CCDC197: variants seen among roughly 807,000 people sequenced by gnomAD.
CCDC197 encodes coiled-coil domain containing 197, also known as uncharacterized protein CCDC197.
Under a neutral mutation model 13.4 loss-of-function variants are expected in CCDC197, and 24 were observed. That is an observed-to-expected ratio of 1.80 (90% CI 1.30 to 2.53). The LOEUF (loss-of-function observed/expected upper bound fraction) is 2.53. CCDC197 is among the 30% of genes most tolerant of loss of function. The pLI is 0.00. For missense variants in CCDC197, 255 were observed against 148.8 expected, an observed-to-expected ratio of 1.71 and a Z score of -3.71; for synonymous variants, 99 against 55.5, an observed-to-expected ratio of 1.78 and a Z score of -3.48.
intron 1 of CCDC197, among the ~76,000 whole-genome samples, chr14:93,989,161 G>A (rs954237588): frequency 6.6e-6 from 1 of 152,060 alleles, no homozygotes; most frequent in Non-Finnish European, 1.5e-5. Flanking sequence ...TCATCCTCCA[G>A]CCAGAGTTAC....
rs929985418 is a variant in CCDC197 at position 93,997,350 on chromosome 14, G to A, written c.-355G>A. 2.0e-5 allele frequency: 3 copies of A among 152,236 alleles called. No individual in the cohort carries two copies. The highest frequency in any genetic ancestry group is 7.2e-5 in the African/African-American group (3 of 41,434). The allele number at this position is 152,236 out of a possible 1,614,324, so 9.4% of individuals were successfully genotyped here. On this transcript the variant is annotated 5_prime_UTR_variant, in exon 1 of 7. It introduces an in-frame stop codon into an upstream open reading frame of the 5' UTR. Coordinates refer to ENST00000636493, the MANE Select transcript of CCDC197 (RefSeq NM_001351596.2). The stretch of plus-strand genomic sequence containing the variant: ...GCCTGTCTACCTATGTTTGATGCTT[G>A]GGGCTAGAAAGACTGACCTTGTAGC...
At chr14:93,990,730 C>A (rs1216710778) in intron 1 of CCDC197, among the ~76,000 whole-genome samples, 1 of 152,182 alleles carries the variant, frequency 6.6e-6, no homozygotes, top group Non-Finnish European at 1.5e-5. Flanking sequence ...GGCTGGAGAG[C>A]ATTCAGGAGA....
At chr14:93,995,820 C>T (rs1200478174), upstream of CCDC197, among the ~76,000 whole-genome samples, 1 of 152,160 alleles carries the variant, frequency 6.6e-6, no homozygotes, top group Non-Finnish European at 1.5e-5. Flanking sequence ...CTACAGCCTC[C>T]CATGCATCTC....
downstream of CCDC197, among the ~76,000 whole-genome samples, chr14:94,010,909 G>A (rs1368476704): frequency 6.6e-6 from 1 of 152,174 alleles, no homozygotes. Flanking sequence ...GTTTGAACAC[G>A]CATCAGGAGG....
chr14:93,992,682 G>A (rs796617678), upstream of CCDC197, among the ~76,000 whole-genome samples: 13 of 152,298 alleles, frequency 8.5e-5, no homozygotes, highest in African/African-American at 2.4e-4. Context: ...GTGGCCCCTC[G>A]GACCATGACC....
chr14:93,991,556 G>A (rs897771361), intron 1 of CCDC197, among the ~76,000 whole-genome samples: 1 of 152,362 alleles, frequency 6.6e-6, no homozygotes, highest in East Asian at 1.9e-4. Flanking sequence ...TGTGGGTCCA[G>A]TACTATTCTT....
At chr14:93,990,648 T>G (rs1021483578) in intron 1 of CCDC197, among the ~76,000 whole-genome samples, 6 of 152,134 alleles carry the variant, frequency 3.9e-5, no homozygotes, top group African/African-American at 1.4e-4. Context: ...TAGTGGACTG[T>G]GAGGGGGCAG....
At chr14:93,995,568 G>A (rs762270572), upstream of CCDC197, among the ~76,000 whole-genome samples, 2 of 152,182 alleles carry the variant, frequency 1.3e-5, no homozygotes, top group African/African-American at 4.8e-5. Context: ...GGAAACTTCC[G>A]GGCCCCAATG....
chr14:93,994,276 C>A (rs1890249514), upstream of CCDC197, among the ~76,000 whole-genome samples: 2 of 152,232 alleles, frequency 1.3e-5, no homozygotes, highest in Middle Eastern at 3.2e-3. Context: ...AGGAGCCCAG[C>A]ATTTTCATTT....
chr14:93,999,760 G>T, intron 3 of CCDC197, 95 bp downstream of exon 3: 2 of 736,628 alleles, frequency 2.7e-6, no homozygotes, highest in Non-Finnish European at 5.0e-6. Flanking sequence ...GGAGCCACGA[G>T]CTGCTCATCT....
intron 5 of CCDC197, among the ~76,000 whole-genome samples, chr14:94,004,612 C>G (rs1011722669): frequency 6.6e-6 from 1 of 152,218 alleles, no homozygotes; most frequent in Non-Finnish European, 1.5e-5. Context: ...TGCCTCCAGC[C>G]AGGAAGCCCT....
At chr14:94,000,993 C>G (rs1219732996) in intron 3 of CCDC197, 152 bp from the exon 4 acceptor site, 2 of 510,236 alleles carry the variant, frequency 3.9e-6, no homozygotes, top group Non-Finnish European at 6.9e-6. Flanking sequence ...GATGGCAAGC[C>G]CGGGACCATC....
chr14:94,003,647 G>A lies in CCDC197; in HGVS notation c.498+293G>A, dbSNP rs903092030. Among the ~76,000 whole-genome samples, 14 of 150,774 alleles carry A rather than the reference G, an allele frequency of 9.3e-5. No homozygotes were observed. Among genetic ancestry groups the A allele is most frequent in the South Asian group, 2.1e-4 (1 of 4,726 alleles). ...CACACACACAGACATGCAAACACACGCACAGACACACAGACACATACACAC... is the reference window on the plus strand; with the variant it reads ...CACACACACAGACATGCAAACACACACACAGACACACAGACACATACACAC... On this transcript the variant is annotated intron_variant, in intron 5 of 6. Transcript: ENST00000636493. The surrounding 1 kb of genome is among the most constrained non-coding windows in gnomAD (Gnocchi z 5.0).
upstream of CCDC197, among the ~76,000 whole-genome samples, chr14:93,996,616 A>T (rs1890319834): frequency 1.3e-5 from 2 of 150,626 alleles, no homozygotes; most frequent in Admixed American, 1.3e-4. Context: ...GACCTTCCCC[A>T]CCCACAACGT....
chr14:94,007,604 A>T (rs924636768), intron 6 of CCDC197: 2 of 152,132 alleles, frequency 1.3e-5, no homozygotes, highest in African/African-American at 2.4e-5. Context: ...CTCCTCTACC[A>T]GGGCACATCT....
chr14:94,002,813 G>A (rs1314342137), intron 4 of CCDC197, among the ~76,000 whole-genome samples: 4 of 144,972 alleles, frequency 2.8e-5, no homozygotes, highest in Admixed American at 1.4e-4. Flanking sequence ...AGATTGTTCC[G>A]CTGCACTCCA....
intron 2 of CCDC197, among the ~76,000 whole-genome samples, chr14:93,998,486 A>G (rs1890390711): frequency 6.6e-6 from 1 of 152,196 alleles, no homozygotes; most frequent in African/African-American, 2.4e-5. Flanking sequence ...CTGAGCCTCT[A>G]CATCAGGAAG....
upstream of CCDC197, among the ~76,000 whole-genome samples, chr14:93,994,916 G>A (rs1231875103): frequency 6.6e-6 from 1 of 152,090 alleles, no homozygotes. Flanking sequence ...CACTTTCAAG[G>A]TCCTAACCAC....
rs1404269960 is a variant in CCDC197, at chr14:94,003,669, A to T, written c.498+315A>T. Among the ~76,000 whole-genome samples, 1 of 152,042 alleles carries T rather than the reference A, an allele frequency of 6.6e-6. No homozygotes were observed. The highest frequency in any genetic ancestry group is 1.5e-5 in the Non-Finnish European group (1 of 68,004). ...CACGCACAGACACACAGACACATACACACACAAAGACACATGCAGAGACAT... is the reference window on the plus strand; with the variant it reads ...CACGCACAGACACACAGACACATACTCACACAAAGACACATGCAGAGACAT... On this transcript the variant is annotated intron_variant, in intron 5 of 6. Coordinates refer to ENST00000636493, the MANE Select transcript of CCDC197 (RefSeq NM_001351596.2). This position sits in a 1 kb window ranked among gnomAD's most constrained non-coding sequence, Gnocchi z 5.0.
Sources: gnomAD v4.1 joint callset for allele counts (sites outside exome capture counted in the v4.1 genomes callset) on GRCh38, gnomAD v4.1.1 for gene constraint, Gnocchi (gnomAD v3.1) non-coding constraint, MANE v1.5 for transcripts, NCBI Gene and HGNC (gene_info 2026-07-23, HGNC 2026-07-21) for gene names.